GIPC2: variants seen among roughly 807,000 people sequenced by gnomAD.
GIPC2 encodes PDZ domain-containing protein GIPC2.
GIPC2 carries 30 observed loss-of-function variants against 30.6 expected under a neutral mutation model. The observed-to-expected ratio is 0.98, with a 90% CI of 0.73 to 1.33. GIPC2 has a LOEUF of 1.33. Ranked by LOEUF, GIPC2 falls within the 40% of genes most tolerant of loss-of-function variation. The pLI is 0.00. For synonymous variants in GIPC2, 167 were observed against 150.0 expected, an observed-to-expected ratio of 1.11 and a Z score of -0.83; for missense variants, 414 against 390.3, an observed-to-expected ratio of 1.06 and a Z score of -0.51.
At chr1:78,070,910 C>T (rs1203901259) in intron 1 of GIPC2, among the ~76,000 whole-genome samples, 4 of 152,096 alleles carry the variant, frequency 2.6e-5, no homozygotes, top group Non-Finnish European at 5.9e-5. Flanking sequence ...CCACTGCTGA[C>T]CCAGGGCAGC....
At chr1:78,054,207 C>T (rs1156849155) in intron 1 of GIPC2, among the ~76,000 whole-genome samples, 2 of 152,192 alleles carry the variant, frequency 1.3e-5, no homozygotes, top group Non-Finnish European at 2.9e-5. Flanking sequence ...TGGATACCTG[C>T]TATTGCATGA....
At chr1:78,134,457 C>T (rs972373002) in intron 5 of GIPC2, among the ~76,000 whole-genome samples, 2 of 152,016 alleles carry the variant, frequency 1.3e-5, no homozygotes, top group Admixed American at 6.6e-5. Context: ...ATTCCCATGC[C>T]ATCCTCACCA....
chr1:78,101,493 A>T (rs907161750), intron 3 of GIPC2, among the ~76,000 whole-genome samples: 1 of 152,170 alleles, frequency 6.6e-6, no homozygotes, highest in African/African-American at 2.4e-5. Context: ...CAGTTTTATT[A>T]TCTTTGTGTA....
chr1:78,053,832 A>G (rs1229975154), intron 1 of GIPC2, among the ~76,000 whole-genome samples: 1 of 147,082 alleles, frequency 6.8e-6, no homozygotes, highest in African/African-American at 2.5e-5. Context: ...CAGGAGGCTG[A>G]GGTGGGAGGA....
intron 2 of GIPC2, among the ~76,000 whole-genome samples, chr1:78,092,243 T>A (rs1179732799): frequency 1.3e-5 from 2 of 152,236 alleles, no homozygotes; most frequent in Non-Finnish European, 2.9e-5. Context: ...TGCCCTAGAC[T>A]TCTGCTGACA....
At chr1:78,104,199 G>C (rs546266945) in intron 3 of GIPC2, among the ~76,000 whole-genome samples, 1 of 151,718 alleles carries the variant, frequency 6.6e-6, no homozygotes, top group African/African-American at 2.4e-5. Flanking sequence ...GCCGGGGGTG[G>C]TGCTCAAAGT....
Position 78,138,332 on chromosome 1 carries a change from T to C in GIPC2, c.*2589T>C, listed in dbSNP as rs532603808. 2.3e-4 allele frequency: 35 copies of C among 152,386 alleles called. No homozygotes were observed. The highest frequency in any genetic ancestry group is 4.6e-4 in the Non-Finnish European group (31 of 68,042). 9.4% of individuals were successfully genotyped at this position (152,386 alleles called of 1,614,324 possible). On this transcript the variant is annotated 3_prime_UTR_variant, in exon 6 of 6. Transcript: ENST00000370759. ...TCAGGTAACCTCTATTTGGAGCTGC[T>C]ACATCCAATATTGTGACTGAAAATT...
intron 1 of GIPC2, among the ~76,000 whole-genome samples, chr1:78,062,888 T>G (rs1005763506): frequency 1.3e-5 from 2 of 152,144 alleles, no homozygotes; most frequent in African/African-American, 4.8e-5. Context: ...CCACCAGAAA[T>G]TATTACAATC....
In GIPC2 at chr1:78,136,834, G is replaced by A. The variant is rs933738979; in HGVS notation, c.*1091G>A. ...CACTCTTATTTGACATTTCGTAGGT[G>A]TAAGAGAAATGGAAATGAATGGTTT... On this transcript the variant is annotated 3_prime_UTR_variant, in exon 6 of 6. Coordinates refer to ENST00000370759, the MANE Select transcript of GIPC2 (RefSeq NM_017655.6). The A allele has an allele frequency of 6.6e-6, 1 of 152,032 alleles. No homozygotes were observed. Among genetic ancestry groups the A allele is most frequent in the Non-Finnish European group, 1.5e-5 (1 of 67,976 alleles). 9.4% of individuals were successfully genotyped at this position (152,032 alleles called of 1,614,324 possible).
chr1:78,119,643 A>G (rs973673435), intron 4 of GIPC2, 144 bp downstream of exon 4: 2 of 594,702 alleles, frequency 3.4e-6, no homozygotes, highest in South Asian at 4.3e-5. Context: ...AAAAGGAAAT[A>G]TAGAAATTAA....
rs986304692 is a variant in GIPC2 at position 78,095,084 on chromosome 1, A to G, written c.559A>G (p.Lys187Glu). ...DVAKKLKELK[K>E]EELFTMKLIE... ...TGCTAAGAAGTTAAAGGAATTAAAAAAGGAGGAACTCTTTACTATGAAGTT... is the reference window on the plus strand; with the variant it reads ...TGCTAAGAAGTTAAAGGAATTAAAAGAGGAGGAACTCTTTACTATGAAGTT... The change falls in exon 3 of 6, where the codon AAG (lysine) becomes GAG (glutamate). Residue 187 changes from lysine (K) to glutamate (E), a missense_variant. By Grantham distance (56) the Lys-to-Glu change is moderately conservative. Coordinates refer to ENST00000370759, the MANE Select transcript of GIPC2 (RefSeq NM_017655.6). 1.2e-6 allele frequency: 2 copies of G among 1,612,870 alleles called. No homozygotes were observed. The highest frequency in any genetic ancestry group is 2.2e-5 in the East Asian group (1 of 44,872).
At chr1:78,124,744 G>A (rs574825868) in intron 4 of GIPC2, among the ~76,000 whole-genome samples, 2 of 152,302 alleles carry the variant, frequency 1.3e-5, no homozygotes, top group East Asian at 1.9e-4. Flanking sequence ...GATGGCTCAT[G>A]CCTGTAATTC....
At chr1:78,057,252 C>T (rs950484166) in intron 1 of GIPC2, among the ~76,000 whole-genome samples, 5 of 152,214 alleles carry the variant, frequency 3.3e-5, no homozygotes, top group South Asian at 4.2e-4. Context: ...GTTGTCTGTA[C>T]GGTGAAGCAA....
Position 78,073,125 on chromosome 1 carries a change from A to G in GIPC2, c.241-7550A>G, listed in dbSNP as rs375956274. Among the ~76,000 whole-genome samples, 21 of 143,664 alleles carry G rather than the reference A, an allele frequency of 1.5e-4. No individual in the cohort carries two copies. In the East Asian group the frequency reaches 4.0e-3, roughly 28 times the overall value. The allele number at this position is 143,664 out of a possible 152,430, so 94.2% of individuals were successfully genotyped here. On this transcript the variant is annotated intron_variant, in intron 1 of 5. Coordinates refer to ENST00000370759, the MANE Select transcript of GIPC2 (RefSeq NM_017655.6). ...TGCCCGGCCTTTTTTTTTTTTTGAG[A>G]CAGAGTATCACTCTGTTGCCCAGGC...
At chr1:78,108,871 G>A (rs534359952) in intron 3 of GIPC2, among the ~76,000 whole-genome samples, 1 of 152,144 alleles carries the variant, frequency 6.6e-6, no homozygotes, top group African/African-American at 2.4e-5. Context: ...TTATCTGTGA[G>A]GTTTCTTTCA....
At position 78,046,227 on chromosome 1, in the gene GIPC2, C is replaced by T. The variant is rs529024989; in HGVS notation, c.133C>T (p.His45Tyr). 7 of 1,605,232 alleles carry T rather than the reference C, an allele frequency of 4.4e-6. No individual in the cohort carries two copies. Among genetic ancestry groups the T allele is most frequent in the Middle Eastern group, 1.7e-4 (1 of 5,914 alleles). Reference sequence around the variant, plus strand: ...GGCTCCCGCACGCAGGCTGGTCTTCCACGCGCAGCTGGCGCACGGTAGTGC... The same window carrying T: ...GGCTCCCGCACGCAGGCTGGTCTTCTACGCGCAGCTGGCGCACGGTAGTGC... ...SRAPARRLVF[H>Y]AQLAHGSATG... The change falls in exon 1 of 6, where the codon CAC (histidine) becomes TAC (tyrosine). Residue 45 changes from histidine to tyrosine, a missense_variant. His to Tyr is a moderately conservative substitution (Grantham distance 83, BLOSUM62 2). Coordinates refer to ENST00000370759, the MANE Select transcript of GIPC2 (RefSeq NM_017655.6).
Position 78,126,419 on chromosome 1 carries a change from C to T in GIPC2, c.796+457C>T, listed in dbSNP as rs185233071. ...CATATGACTGAGAAGGGCAGTTGAG[C>T]AGTTGAATTTCTGCGTATTTCTTAT... is the stretch of plus-strand genomic sequence containing the variant. On this transcript the variant is annotated intron_variant, in intron 5 of 5. Coordinates refer to ENST00000370759, the MANE Select transcript of GIPC2 (RefSeq NM_017655.6). Among the ~76,000 whole-genome samples the T allele has an allele frequency of 3.2e-4, 48 of 152,196 alleles. 1 individual carries two copies. Among genetic ancestry groups the T allele is most frequent in the Admixed American group, 4.6e-4 (7 of 15,274 alleles).
chr1:78,120,457 T>A, intron 4 of GIPC2, among the ~76,000 whole-genome samples: 1 of 152,212 alleles, frequency 6.6e-6, no homozygotes, highest in East Asian at 1.9e-4. Flanking sequence ...GCATCCTGTA[T>A]AAACAGCAAC....
chr1:78,054,855 T>C (rs1471772092), intron 1 of GIPC2, among the ~76,000 whole-genome samples: 1 of 152,090 alleles, frequency 6.6e-6, no homozygotes, highest in Non-Finnish European at 1.5e-5. Context: ...AACCCTAAAA[T>C]AAAGTTTACA....
Sources: gnomAD v4.1 joint callset for allele counts (sites outside exome capture counted in the v4.1 genomes callset) on GRCh38, gnomAD v4.1.1 for gene constraint, MANE v1.5 for transcripts, NCBI Gene and HGNC (gene_info 2026-07-23, HGNC 2026-07-21) for gene names.